MGAT4D: variants seen among roughly 807,000 people sequenced by gnomAD.
MGAT4D encodes MGAT4 family member D, also known as alpha-1,3-mannosyl-glycoprotein 4-beta-N-acetylglucosaminyltransferase-like protein MGAT4D.
MGAT4D carries 34 observed loss-of-function variants against 15.9 expected under a neutral mutation model. The ratio of observed to expected loss-of-function variants is 2.14; its 90% CI spans 1.62 to 2.84. The LOEUF is 2.84. Among genes scored for constraint, MGAT4D ranks in the 30% most tolerant of loss-of-function variants. The pLI is 0.00. For missense variants in MGAT4D, 327 were observed against 140.2 expected, an observed-to-expected ratio of 2.33 and a Z score of -6.73; for synonymous variants, 112 against 48.2, an observed-to-expected ratio of 2.33 and a Z score of -5.49.
intron 1 of MGAT4D, among the ~76,000 whole-genome samples, chr4:140,487,145 T>C (rs1284315238): frequency 6.6e-6 from 1 of 152,262 alleles, no homozygotes; most frequent in African/African-American, 2.4e-5. Context: ...TCCCTGGTAA[T>C]TCATTCATCA....
chr4:140,496,358 A>G (rs1340438178), intron 1 of MGAT4D, among the ~76,000 whole-genome samples: 1 of 152,220 alleles, frequency 6.6e-6, no homozygotes, highest in East Asian at 1.9e-4. Flanking sequence ...CATTCTCAAG[A>G]ACAGTATCTT....
At chr4:140,467,326 A>G (rs1731604523) in intron 5 of MGAT4D, among the ~76,000 whole-genome samples, 1 of 152,158 alleles carries the variant, frequency 6.6e-6, no homozygotes, top group Non-Finnish European at 1.5e-5. Context: ...TTTTTAAATG[A>G]ATTTGTGTAA....
intron 10 of MGAT4D, among the ~76,000 whole-genome samples, chr4:140,448,746 G>T (rs1730287938): frequency 6.6e-6 from 1 of 152,166 alleles, no homozygotes; most frequent in Non-Finnish European, 1.5e-5. Context: ...TAGAGAACTA[G>T]TGTGGTCATT....
chr4:140,478,827 C>T (rs1271046687), intron 3 of MGAT4D, among the ~76,000 whole-genome samples: 4 of 151,530 alleles, frequency 2.6e-5, no homozygotes, highest in African/African-American at 9.7e-5. Context: ...GTTATACCAT[C>T]TCTGTTGCAA....
chr4:140,450,920 A>G (rs1236824111), intron 10 of MGAT4D, among the ~76,000 whole-genome samples: 1 of 152,186 alleles, frequency 6.6e-6, no homozygotes, highest in Non-Finnish European at 1.5e-5. Flanking sequence ...GTTAATTATC[A>G]AAAATATTAT....
chr4:140,481,231 G>C (rs6824469), intron 2 of MGAT4D, among the ~76,000 whole-genome samples: 1 of 151,748 alleles, frequency 6.6e-6, no homozygotes, highest in East Asian at 2.0e-4. Context: ...CTTGGGCCCA[G>C]GAGGTGGAGG....
chr4:140,443,519 A>C, intron 10 of MGAT4D, 75 bp from the exon 11 acceptor site: 1 of 467,372 alleles, frequency 2.1e-6, no homozygotes, highest in Non-Finnish European at 3.8e-6. Context: ...TTTCATAGCA[A>C]TTTCTTAATC....
chr4:140,456,260 T>C (rs1047322183), intron 9 of MGAT4D, among the ~76,000 whole-genome samples: 1 of 152,244 alleles, frequency 6.6e-6, no homozygotes, highest in Admixed American at 6.5e-5. Context: ...AGTAGTTGCA[T>C]CATTTGAAAA....
chr4:140,455,104 CCT>C (rs1730715419), intron 9 of MGAT4D, among the ~76,000 whole-genome samples: 1 of 151,530 alleles, frequency 6.6e-6, no homozygotes. Context: ...TATTTTCTTC[CCT>C]CTCTTCCTTT....
chr4:140,447,054 C>T (rs1229053047), intron 10 of MGAT4D, among the ~76,000 whole-genome samples: 2 of 151,700 alleles, frequency 1.3e-5, no homozygotes, highest in Non-Finnish European at 2.9e-5. Flanking sequence ...TTTTATTGTA[C>T]TGTGGTCTGA....
At chr4:140,447,996 G>A (rs978342261) in intron 10 of MGAT4D, among the ~76,000 whole-genome samples, 3 of 152,140 alleles carry the variant, frequency 2.0e-5, no homozygotes, top group Admixed American at 2.0e-4. Context: ...ATTCTTGGTT[G>A]AAGATATTTT....
At chr4:140,463,595 T>C (rs1265042567) in intron 6 of MGAT4D, among the ~76,000 whole-genome samples, 1 of 152,016 alleles carries the variant, frequency 6.6e-6, no homozygotes, top group East Asian at 1.9e-4. Flanking sequence ...AAAAAAGCAG[T>C]ACCCAAGGTC....
intron 1 of MGAT4D, among the ~76,000 whole-genome samples, chr4:140,496,967 TGAAGA>T (rs902677284): frequency 6.6e-6 from 1 of 152,156 alleles, no homozygotes; most frequent in Non-Finnish European, 1.5e-5. Flanking sequence ...TTATAGAAAA[TGAAGA>T]GGAGGGAAAC....
At chr4:140,449,238 T>G (rs1578633634) in intron 10 of MGAT4D, among the ~76,000 whole-genome samples, 3 of 152,168 alleles carry the variant, frequency 2.0e-5, no homozygotes, top group African/African-American at 7.2e-5. Flanking sequence ...CAAAAGAAAT[T>G]TGTATGTTTA....
intron 5 of MGAT4D, among the ~76,000 whole-genome samples, chr4:140,470,363 G>A (rs1476725417): frequency 6.6e-6 from 1 of 152,110 alleles, no homozygotes; most frequent in Non-Finnish European, 1.5e-5. Flanking sequence ...GAATTGTTTT[G>A]ACTAGAACAA....
intron 2 of MGAT4D, among the ~76,000 whole-genome samples, chr4:140,481,898 T>C (rs1327095653): frequency 2.6e-5 from 4 of 152,198 alleles, no homozygotes; most frequent in Non-Finnish European, 5.9e-5. Flanking sequence ...ATTAGCTGTA[T>C]GTTACTAGTC....
intron 1 of MGAT4D, among the ~76,000 whole-genome samples, chr4:140,493,764 C>T (rs112562030): frequency 2.1e-3 from 321 of 152,246 alleles, no homozygotes; most frequent in African/African-American, 7.4e-3. Context: ...AAACCTGTTG[C>T]TTGTCCCAGA....
Sources: gnomAD v4.1 joint callset for allele counts (sites outside exome capture counted in the v4.1 genomes callset) on GRCh38, gnomAD v4.1.1 for gene constraint, MANE v1.5 for transcripts, NCBI Gene and HGNC (gene_info 2026-07-23, HGNC 2026-07-21) for gene names.